MAN1C1: variants seen among roughly 807,000 people sequenced by gnomAD.
MAN1C1 encodes the protein mannosyl-oligosaccharide 1,2-alpha-mannosidase IC.
MAN1C1 carries 49 observed loss-of-function variants against 71.5 expected under a neutral mutation model. That is an observed-to-expected ratio of 0.69 (90% confidence interval 0.54 to 0.87). The LOEUF (loss-of-function observed/expected upper bound fraction) is 0.87, where lower values mean the gene tolerates loss of function less well. Ranked by LOEUF, MAN1C1 falls within the 40% of genes least tolerant of loss-of-function variation. MAN1C1 has a pLI of 0.00. For missense variants in MAN1C1, 743 were observed against 835.0 expected (o/e 0.89, Z 1.36); for synonymous variants, 352 against 343.7 (o/e 1.02, Z -0.27).
At chr1:25,733,659 C>A (rs2124306733) in intron 2 of MAN1C1, among the ~76,000 whole-genome samples, 1 of 152,236 alleles carries the variant, frequency 6.6e-6, no homozygotes, top group Non-Finnish European at 1.5e-5. Flanking sequence ...GCCAGGCACA[C>A]CCCGAGTACC....
At chr1:25,688,024 G>A (rs1157511621) in intron 2 of MAN1C1, among the ~76,000 whole-genome samples, 1 of 151,796 alleles carries the variant, frequency 6.6e-6, no homozygotes, top group Non-Finnish European at 1.5e-5. Flanking sequence ...ATGTTTTAAC[G>A]GTGTCTGTGA....
chr1:25,723,817 C>T (rs2046797934), intron 2 of MAN1C1, among the ~76,000 whole-genome samples: 1 of 152,190 alleles, frequency 6.6e-6, no homozygotes, highest in African/African-American at 2.4e-5. Context: ...GGATGTATGA[C>T]TGTCTGTTCT....
Position 25,691,262 on chromosome 1 carries a change from A to G in MAN1C1, c.637+4726A>G, listed in dbSNP as rs565473039. Among the ~76,000 whole-genome samples, 230 of 152,310 alleles carry G rather than the reference A, an allele frequency of 1.5e-3. 3 individuals are homozygous for G. The highest frequency in any genetic ancestry group is 5.3e-3 in the African/African-American group (219 of 41,574). On this transcript the variant is annotated intron_variant, in intron 2 of 11. Transcript: ENST00000374332. ...AACCCATGAGGTGGAGGTTGCAATGAGCCAAGATCGCGCCACTGCCCTCCA... is the reference window on the plus strand; with the variant it reads ...AACCCATGAGGTGGAGGTTGCAATGGGCCAAGATCGCGCCACTGCCCTCCA...
chr1:25,691,443 T>G (rs981183893), intron 2 of MAN1C1, among the ~76,000 whole-genome samples: 2 of 152,258 alleles, frequency 1.3e-5, no homozygotes, highest in Non-Finnish European at 2.9e-5. Flanking sequence ...TTTTCCCATC[T>G]ATAAAGTGGG....
chr1:25,689,095 T>C (rs566605430), intron 2 of MAN1C1, among the ~76,000 whole-genome samples: 2 of 152,198 alleles, frequency 1.3e-5, no homozygotes, highest in Non-Finnish European at 2.9e-5. Flanking sequence ...ATTGACTCCT[T>C]CACTCCATAT....
At chr1:25,627,812 C>T (rs1277312079) in intron 1 of MAN1C1, among the ~76,000 whole-genome samples, 2 of 150,158 alleles carry the variant, frequency 1.3e-5, no homozygotes, top group African/African-American at 2.5e-5. Flanking sequence ...ATGGGTGAAT[C>T]GATTGAGCCC....
intron 1 of MAN1C1, among the ~76,000 whole-genome samples, chr1:25,656,251 C>T (rs935723208): frequency 1.3e-5 from 2 of 151,658 alleles, no homozygotes; most frequent in African/African-American, 4.9e-5. Context: ...GCATGCACCA[C>T]CATGCCCCGC....
intron 7 of MAN1C1, among the ~76,000 whole-genome samples, chr1:25,766,936 C>T (rs995805957): frequency 6.6e-6 from 1 of 151,984 alleles, no homozygotes; most frequent in Non-Finnish European, 1.5e-5. Context: ...CCAGGTGTGA[C>T]GAGCGCATTG....
At chr1:25,780,722 G>A (rs2047680882) in intron 9 of MAN1C1, 1 of 521,102 alleles carries the variant, frequency 1.9e-6, no homozygotes, top group South Asian at 2.5e-5. Context: ...CACATTTCCA[G>A]TCCCCGAGGG....
chr1:25,715,704 TGAGCAGTATA>T (rs2046670888), intron 2 of MAN1C1, among the ~76,000 whole-genome samples: 1 of 152,210 alleles, frequency 6.6e-6, no homozygotes, highest in South Asian at 2.1e-4. Context: ...GCCTCTCCCT[TGAGCAGTATA>T]GAGCAGAAGA....
chr1:25,709,411 A>G (rs1483239310), intron 2 of MAN1C1, among the ~76,000 whole-genome samples: 3 of 152,226 alleles, frequency 2.0e-5, no homozygotes, highest in African/African-American at 7.2e-5. Context: ...GAAGCAATGA[A>G]TGAGTCCTGT....
At chr1:25,774,199 A>C (rs1557803421) in intron 8 of MAN1C1, among the ~76,000 whole-genome samples, 1 of 152,188 alleles carries the variant, frequency 6.6e-6, no homozygotes, top group African/African-American at 2.4e-5. Flanking sequence ...ACCAGGTTAG[A>C]CCAGTGTCCA....
At chr1:25,757,208 C>T (rs1269474256) in intron 5 of MAN1C1, among the ~76,000 whole-genome samples, 1 of 152,214 alleles carries the variant, frequency 6.6e-6, no homozygotes, top group Non-Finnish European at 1.5e-5. Context: ...CTCCACACCC[C>T]CACGCCTGCC....
chr1:25,757,237 G>A (rs2047298620), intron 5 of MAN1C1, among the ~76,000 whole-genome samples: 1 of 152,232 alleles, frequency 6.6e-6, no homozygotes, highest in Non-Finnish European at 1.5e-5. Flanking sequence ...TCCTGTCCGT[G>A]GAGATGGAGG....
At chr1:25,654,939 C>T (rs551667755) in intron 1 of MAN1C1, among the ~76,000 whole-genome samples, 1 of 152,166 alleles carries the variant, frequency 6.6e-6, no homozygotes, top group Non-Finnish European at 1.5e-5. Flanking sequence ...GCCACCGTGT[C>T]GGGCCTAGGC....
intron 7 of MAN1C1, among the ~76,000 whole-genome samples, chr1:25,767,698 T>C (rs1572206696): frequency 3.2e-5 from 3 of 92,820 alleles, no homozygotes; most frequent in Admixed American, 1.3e-4. Flanking sequence ...ACATCCACAC[T>C]CCCCTCACAC....
intron 2 of MAN1C1, chr1:25,709,468 C>T (rs1375841894): frequency 2.6e-5 from 4 of 152,236 alleles, no homozygotes; most frequent in East Asian, 1.9e-4. Context: ...GAGGCAGGCA[C>T]GCAGATGTTT....
intron 2 of MAN1C1, among the ~76,000 whole-genome samples, chr1:25,728,837 G>A (rs2046869513): frequency 1.3e-5 from 2 of 152,150 alleles, no homozygotes; most frequent in African/African-American, 4.8e-5. Context: ...GTGCAGAATC[G>A]TTGCTGGCAC....
At chr1:25,749,511 T>C (rs2124344599) in intron 4 of MAN1C1, among the ~76,000 whole-genome samples, 176 bp downstream of exon 4, 1 of 152,288 alleles carries the variant, frequency 6.6e-6, no homozygotes, top group Admixed American at 6.5e-5. Context: ...ATCCCTCCGC[T>C]CCCTGTTTAA....
Sources: gnomAD v4.1 joint callset for allele counts (sites outside exome capture counted in the v4.1 genomes callset) on GRCh38, gnomAD v4.1.1 for gene constraint, MANE v1.5 for transcripts, NCBI Gene and HGNC (gene_info 2026-07-23, HGNC 2026-07-21) for gene names.